Variants in ANKRD50 observed in about 807,000 individuals in gnomAD.
ANKRD50 encodes the protein ankyrin repeat domain 50, also known as ankyrin repeat domain-containing protein 50.
ANKRD50 carries 40 observed loss-of-function variants against 112.0 expected under a neutral mutation model. That is an observed-to-expected ratio of 0.36 (90% CI 0.28 to 0.46). The LOEUF (loss-of-function observed/expected upper bound fraction) is 0.46. Ranked by LOEUF, ANKRD50 falls within the 20% of genes least tolerant of loss-of-function variation. ANKRD50 has a pLI of 1.00. For missense variants in ANKRD50, 1,487 were observed against 1,701.7 expected (o/e 0.87, Z 2.22); for synonymous variants, 613 against 619.1 (o/e 0.99, Z 0.15).
At chr4:124,693,193 T>C (rs1199787526) in intron 2 of ANKRD50, among the ~76,000 whole-genome samples, 1 of 152,202 alleles carries the variant, frequency 6.6e-6, no homozygotes, top group Non-Finnish European at 1.5e-5. Flanking sequence ...GCAAGTGATG[T>C]TAACTTTTTA....
At chr4:124,696,841 G>T (rs1287997551) in intron 2 of ANKRD50, among the ~76,000 whole-genome samples, 1 of 152,034 alleles carries the variant, frequency 6.6e-6, no homozygotes, top group Non-Finnish European at 1.5e-5. Context: ...TTCAAATATA[G>T]CAAACACATT....
Position 124,670,330 on chromosome 4 carries a change from G to A in ANKRD50, c.2947C>T (p.Leu983Phe), listed in dbSNP as rs79318412. The change falls in exon 4 of 5, where the codon CTT (leucine) becomes TTT (phenylalanine). Residue 983 changes from leucine (L) to phenylalanine (F), a missense_variant. By Grantham distance (22) the Leu-to-Phe change is conservative. This residue lies in a region of ANKRD50 where 1,046 missense variants were observed against 1,269.5 expected (regional missense o/e 0.82). Transcript: ENST00000504087. ...EASDAEGRTA[L>F]HVSCWQGHME... ...TGGCCTTGCCAACAAGACACATGAA[G>A]TGCTGTCCTTCCTTCAGCATCACTT... is the stretch of plus-strand genomic sequence containing the variant. The A allele has an allele frequency of 3.7e-6, 6 of 1,613,838 alleles. No individual in the cohort carries two copies. The highest frequency in any genetic ancestry group is 1.1e-5 in the South Asian group (1 of 91,080).
At chr4:124,685,691 T>A (rs906993995) in intron 2 of ANKRD50, among the ~76,000 whole-genome samples, 4 of 152,184 alleles carry the variant, frequency 2.6e-5, no homozygotes, top group African/African-American at 4.8e-5. Flanking sequence ...TGTATGTGTA[T>A]CTTAACTAAA....
chr4:124,686,788 G>A (rs1220314011), intron 2 of ANKRD50, among the ~76,000 whole-genome samples: 1 of 152,118 alleles, frequency 6.6e-6, no homozygotes, highest in Non-Finnish European at 1.5e-5. Context: ...AAATCCACCT[G>A]GAAAATCAGC....
rs1730582056 is a variant in ANKRD50 at position 124,669,630 on chromosome 4, T to C, written c.3647A>G (p.Glu1216Gly). 2 of 1,613,558 alleles carry C rather than the reference T, an allele frequency of 1.2e-6. No individual in the cohort carries two copies. The highest frequency in any genetic ancestry group is 1.7e-6 in the Non-Finnish European group (2 of 1,179,794). The change falls in exon 4 of 5, where the codon GAA becomes GGA. Residue 1216 changes from glutamate (E) to glycine (G), a missense_variant. By Grantham distance (98) the Glu-to-Gly change is moderately conservative (BLOSUM62 -2). Transcript: ENST00000504087. ...TGGCAATGAATGCTGCTGAATTTGT[T>C]CTGTAAATGACAAGTTATGAAAGCT... ...IDSFHNLSFT[E>G]QIQQHSLPRS... is the part of the protein sequence containing the mutation.
intron 2 of ANKRD50, among the ~76,000 whole-genome samples, chr4:124,686,933 C>T (rs1725019133): frequency 1.3e-5 from 2 of 152,136 alleles, no homozygotes; most frequent in South Asian, 4.2e-4. Context: ...TTAAAGCCTC[C>T]TGCAGAAAAC....
chr4:124,669,611 T>G lies in ANKRD50; in HGVS notation c.3666A>C (p.Ser1222=), dbSNP rs1560816996. 3 of 1,613,622 alleles carry G rather than the reference T, an allele frequency of 1.9e-6. No homozygotes were observed. The highest frequency in any genetic ancestry group is 2.5e-6 in the Non-Finnish European group (3 of 1,179,822). Residue 1222 remains serine (S), a synonymous_variant, in exon 4 of 5, where the codon TCA becomes TCC. Coordinates refer to ENST00000504087, the MANE Select transcript of ANKRD50 (RefSeq NM_020337.3). ...LSFTEQIQQH[S]LPRSRSRQSI... ...ACTGTCGACTTCTACTGCGTGGCAA[T>G]GAATGCTGCTGAATTTGTTCTGTAA...
At chr4:124,707,499 C>T (rs576804035) in intron 2 of ANKRD50, among the ~76,000 whole-genome samples, 2 of 152,192 alleles carry the variant, frequency 1.3e-5, no homozygotes, top group South Asian at 4.1e-4. Flanking sequence ...ATTATAGCTT[C>T]ACAGTTGTAA....
In ANKRD50 at chr4:124,678,788, T is replaced by C. The variant is rs1427842144; in HGVS notation, c.630A>G (p.Leu210=). Residue 210 remains leucine (L), a synonymous_variant, in exon 3 of 5, where the codon TTA becomes TTG. Coordinates refer to ENST00000504087, the MANE Select transcript of ANKRD50 (RefSeq NM_020337.3). ...ITEGEQTSTS[L]SGTVAALLAG... ...CTAAAAGTGCTGCAACAGTCCCAGA[T>C]AAGCTGGTAGACGTTTGTTCACCTT... 3 of 1,613,920 alleles carry C rather than the reference T, an allele frequency of 1.9e-6. No individual in the cohort carries two copies. The highest frequency in any genetic ancestry group is 3.3e-5 in the Admixed American group (2 of 60,008).
rs780417292 is a variant in ANKRD50, at chr4:124,672,192, C to T, written c.1085G>A (p.Arg362Gln). The T allele has an allele frequency of 5.6e-6, 9 of 1,613,790 alleles. No individual in the cohort carries two copies. The highest frequency in any genetic ancestry group is 1.7e-5 in the Admixed American group (1 of 59,954). Reference sequence around the variant, plus strand: ...ATATAATTCCGTTATGGTCAAAGGTCGGCAGGCTGCAAGAATCACATTCAA... The same window carrying T: ...ATATAATTCCGTTATGGTCAAAGGTTGGCAGGCTGCAAGAATCACATTCAA... ...PILNVILAAC[R>Q]PLTITELYHA... The change falls in exon 4 of 5, where the codon CGA becomes CAA. Residue 362 changes from arginine to glutamine, a missense_variant. By Grantham distance (43) the Arg-to-Gln change is conservative (BLOSUM62 1). Coordinates refer to ENST00000504087, the MANE Select transcript of ANKRD50 (RefSeq NM_020337.3).
intron 2 of ANKRD50, among the ~76,000 whole-genome samples, chr4:124,697,808 T>C (rs181407304): frequency 1.5e-3 from 226 of 152,150 alleles, no homozygotes; most frequent in Non-Finnish European, 2.5e-3. Flanking sequence ...AGTGAGAAAG[T>C]GAAGAAAGTG....
At chr4:124,672,788 C>A (rs1730693209) in intron 3 of ANKRD50, among the ~76,000 whole-genome samples, 1 of 152,026 alleles carries the variant, frequency 6.6e-6, no homozygotes, top group Admixed American at 6.6e-5. Context: ...GTGCCTCTCT[C>A]AACTCCATTG....
At chr4:124,674,076 G>T (rs930541451) in intron 3 of ANKRD50, among the ~76,000 whole-genome samples, 3 of 151,876 alleles carry the variant, frequency 2.0e-5, no homozygotes, top group African/African-American at 7.2e-5. Context: ...ATCTTTTTCT[G>T]TGTGTCCATT....
chr4:124,686,742 A>G (rs998814575), intron 2 of ANKRD50, among the ~76,000 whole-genome samples: 1 of 152,194 alleles, frequency 6.6e-6, no homozygotes, highest in African/African-American at 2.4e-5. Context: ...GTAGAAGAGA[A>G]GAATTTGAGA....
intron 2 of ANKRD50, among the ~76,000 whole-genome samples, chr4:124,696,774 A>C (rs1725263204): frequency 6.6e-6 from 1 of 152,224 alleles, no homozygotes; most frequent in Admixed American, 6.5e-5. Context: ...TATTTATATT[A>C]ACATGTAATG....
chr4:124,685,996 T>C (rs1724998076), intron 2 of ANKRD50, among the ~76,000 whole-genome samples: 1 of 152,196 alleles, frequency 6.6e-6, no homozygotes, highest in Non-Finnish European at 1.5e-5. Flanking sequence ...TTACTTCACA[T>C]AGTTATCATT....
rs1345678765 is a variant in ANKRD50, at chr4:124,711,097, G to A, written c.-586C>T. On this transcript the variant is annotated 5_prime_UTR_variant, in exon 2 of 5. Coordinates refer to ENST00000504087, the MANE Select transcript of ANKRD50 (RefSeq NM_020337.3). ...GCCAGTTTCAGGCATCTGGGCAACT[G>A]CCAGGAACTGTTTCAGATTATAGTC... The A allele has an allele frequency of 8.6e-6, 2 of 232,990 alleles. No individual in the cohort carries two copies. Among genetic ancestry groups the A allele is most frequent in the Non-Finnish European group, 8.2e-6 (1 of 121,922 alleles). The allele number at this position is 232,990 out of a possible 1,614,324, so 14.4% of individuals were successfully genotyped here.
At position 124,671,343 on chromosome 4, in the gene ANKRD50, C is replaced by T. The variant is rs769521059; in HGVS notation, c.1934G>A (p.Arg645Gln). ...VKVDCADADSRTALRAAAWGG... is the reference protein window; with the variant it reads ...VKVDCADADSQTALRAAAWGG... ...CCATGCTGCTGCTCTCAAAGCTGTTCGGCTATCAGCATCTGCACAATCCAC... is the reference window on the plus strand; with the variant it reads ...CCATGCTGCTGCTCTCAAAGCTGTTTGGCTATCAGCATCTGCACAATCCAC... Residue 645 changes from arginine (R) to glutamine (Q), a missense_variant, in exon 4 of 5, where the codon CGA becomes CAA. Physicochemically the swap from Arg to Gln is conservative, Grantham distance 43. This residue lies in a region of ANKRD50 where 1,046 missense variants were observed against 1,269.5 expected (regional missense o/e 0.82). Coordinates refer to ENST00000504087, the MANE Select transcript of ANKRD50 (RefSeq NM_020337.3). 2.5e-6 allele frequency: 4 copies of T among 1,613,712 alleles called. No individual in the cohort carries two copies. Among genetic ancestry groups the T allele is most frequent in the South Asian group, 2.2e-5 (2 of 91,080 alleles).
chr4:124,682,260 G>A lies in ANKRD50; in HGVS notation c.513-3355C>T, dbSNP rs371435880. Among the ~76,000 whole-genome samples, 244 of 140,552 alleles carry A rather than the reference G, an allele frequency of 1.7e-3. 1 individual carries two copies. Among genetic ancestry groups the A allele is most frequent in the African/African-American group, 6.4e-3 (240 of 37,450 alleles). The allele number at this position is 140,552 out of a possible 152,430, so 92.2% of individuals were successfully genotyped here. The stretch of plus-strand genomic sequence containing the variant: ...GAACCCGGGAAGCAGAGCTTGCAGT[G>A]AACCGAGATTGCGCCACTGCAGTCC... On this transcript the variant is annotated intron_variant, in intron 2 of 4. Coordinates refer to ENST00000504087, the MANE Select transcript of ANKRD50 (RefSeq NM_020337.3).
Sources: allele counts gnomAD v4.1 joint callset (sites outside exome capture counted in the v4.1 genomes callset), GRCh38; gene constraint gnomAD v4.1.1; regional missense constraint gnomAD v4.1.1; transcripts MANE v1.5; gene names NCBI Gene and HGNC (gene_info 2026-07-23, HGNC 2026-07-21).